MRTFA: variants seen among roughly 807,000 people sequenced by gnomAD.
MRTFA encodes myocardin-related transcription factor A.
A neutral mutation model predicts 83.5 loss-of-function variants in MRTFA; 20 were observed. The observed-to-expected ratio is 0.24, with a 90% confidence interval of 0.17 to 0.35. MRTFA has a LOEUF of 0.35. MRTFA is among the 10% of genes least tolerant of loss of function. The pLI is 1.00. For synonymous variants in MRTFA, 659 were observed against 541.2 expected (o/e 1.22, Z -3.02); for missense variants, 1,200 against 1,224.7 (o/e 0.98, Z 0.30).
chr22:40,604,879 C>T (rs1014041941), intron 1 of MRTFA, among the ~76,000 whole-genome samples: 92 of 152,296 alleles, frequency 6.0e-4, no homozygotes, highest in African/African-American at 2.2e-3. Context: ...CAGATAAATG[C>T]AATCTGTCTG....
intron 6 of MRTFA, 110 bp from the exon 7 acceptor site, chr22:40,429,877 G>C: frequency 8.7e-7 from 1 of 1,143,744 alleles, no homozygotes; most frequent in Non-Finnish European, 1.2e-6. Flanking sequence ...GTGACTGTCA[G>C]AACGGTAAGC....
chr22:40,623,788 A>T (rs1475850100), intron 1 of MRTFA, among the ~76,000 whole-genome samples: 1 of 152,236 alleles, frequency 6.6e-6, no homozygotes, highest in Non-Finnish European at 1.5e-5. Flanking sequence ...AACTGAATTT[A>T]CCTCTCACAA....
Position 40,417,017 on chromosome 22 carries a change from G to T in MRTFA, c.2547C>A (p.Asp849Glu). Reference sequence around the variant, plus strand: ...TCTGAATGAGAATGTCAAACAGGTCGTCCATCTGCTGGCTTGAGGAACCAT... The same window carrying T: ...TCTGAATGAGAATGTCAAACAGGTCTTCCATCTGCTGGCTTGAGGAACCAT... Residue 849 changes from aspartate to glutamate, a missense_variant, in exon 14 of 15, where the codon GAC (aspartate) becomes GAA (glutamate). Transcript: ENST00000355630. 1 of 1,598,580 alleles carries T rather than the reference G, an allele frequency of 6.3e-7. No homozygotes were observed. The highest frequency in any genetic ancestry group is 1.3e-5 in the African/African-American group (1 of 74,822).
At chr22:40,415,741 T>C (rs1318513642) in intron 14 of MRTFA, among the ~76,000 whole-genome samples, 1 of 151,826 alleles carries the variant, frequency 6.6e-6, no homozygotes, top group Admixed American at 6.5e-5. Context: ...CAGGGGAACC[T>C]CCCAGAGAGC....
chr22:40,418,343 G>A (rs2052732941), intron 12 of MRTFA, 31 bp downstream of exon 12: 2 of 1,607,502 alleles, frequency 1.2e-6, no homozygotes, highest in South Asian at 1.1e-5. Context: ...CCTCCTCTGG[G>A]CCCTGCCCGG....
At chr22:40,432,363 T>C (rs1216358915) in intron 5 of MRTFA, among the ~76,000 whole-genome samples, 2 of 152,208 alleles carry the variant, frequency 1.3e-5, no homozygotes, top group African/African-American at 4.8e-5. Flanking sequence ...AATATGAATT[T>C]TGACACATGG....
intron 3 of MRTFA, among the ~76,000 whole-genome samples, chr22:40,512,583 C>T (rs1269368800): frequency 6.6e-6 from 1 of 152,206 alleles, no homozygotes; most frequent in Non-Finnish European, 1.5e-5. Context: ...AGGTTGAGAG[C>T]TTTCGAAAGA....
chr22:40,478,530 G>A (rs1009161902), intron 3 of MRTFA, among the ~76,000 whole-genome samples: 2 of 152,168 alleles, frequency 1.3e-5, no homozygotes, highest in African/African-American at 2.4e-5. Flanking sequence ...TCTCACTAGA[G>A]AGCAAACTGT....
intron 3 of MRTFA, among the ~76,000 whole-genome samples, chr22:40,538,986 T>TG (rs2055238879): frequency 8.8e-6 from 1 of 113,182 alleles, no homozygotes; most frequent in African/African-American, 4.0e-5. Context: ...ATACACAGCC[T>TG]TTTGTTTTTT....
chr22:40,483,656 G>A (rs1001866071), intron 3 of MRTFA, among the ~76,000 whole-genome samples: 1 of 151,470 alleles, frequency 6.6e-6, no homozygotes, highest in Non-Finnish European at 1.5e-5. Flanking sequence ...CTGCACTCCA[G>A]CCTGGGTGAC....
At chr22:40,534,612 G>A (rs573943277) in intron 3 of MRTFA, among the ~76,000 whole-genome samples, 3 of 152,250 alleles carry the variant, frequency 2.0e-5, no homozygotes, top group East Asian at 3.9e-4. Context: ...AGGCTCAAGC[G>A]ATCTGCCCAC....
At chr22:40,618,469 G>A (rs942710387) in intron 1 of MRTFA, among the ~76,000 whole-genome samples, 5 of 152,004 alleles carry the variant, frequency 3.3e-5, no homozygotes, top group African/African-American at 9.7e-5. Flanking sequence ...TAAACCATGC[G>A]AAGGGAGAGA....
intron 9 of MRTFA, among the ~76,000 whole-genome samples, 153 bp from the exon 10 acceptor site, chr22:40,421,253 C>T (rs1483431919): frequency 1.3e-5 from 2 of 152,134 alleles, no homozygotes; most frequent in African/African-American, 2.4e-5. Context: ...CCGTACACCC[C>T]GTGAAAAGCA....
Position 40,501,669 on chromosome 22 carries a change from G to A in MRTFA, c.242-38383C>T, listed in dbSNP as rs544921503. On this transcript the variant is annotated intron_variant, in intron 3 of 14. Transcript: ENST00000355630. ...CACCTCCCAGACGGGGCGGCTGGCC[G>A]GGTGGAGGGCTGACCCCCCCACCTC... 4.0e-3 allele frequency among the ~76,000 whole-genome samples: 73 copies of A among 18,352 alleles called. 2 individuals are homozygous for A. Among genetic ancestry groups the A allele is most frequent in the African/African-American group, 0.02 (68 of 3,468 alleles). 12.0% of individuals were successfully genotyped at this position (18,352 alleles called of 152,430 possible). A position where few individuals can be genotyped will look rare whatever the true frequency, so the allele number is the denominator to read the frequency against.
chr22:40,512,855 G>A (rs1027653918), intron 3 of MRTFA, among the ~76,000 whole-genome samples: 5 of 152,288 alleles, frequency 3.3e-5, no homozygotes, highest in South Asian at 2.1e-4. Flanking sequence ...CCACCACTTC[G>A]CAATGTGCAT....
At chr22:40,481,652 C>CTAAATAA (rs1225145215) in intron 3 of MRTFA, among the ~76,000 whole-genome samples, 2 of 152,038 alleles carry the variant, frequency 1.3e-5, no homozygotes, top group African/African-American at 4.8e-5. Context: ...GGACAGAAAC[C>CTAAATAA]TAAATAATAT....
chr22:40,511,455 A>G (rs1046843396), intron 3 of MRTFA, among the ~76,000 whole-genome samples: 1 of 152,324 alleles, frequency 6.6e-6, no homozygotes, highest in Admixed American at 6.5e-5. Flanking sequence ...AGAACTCAGT[A>G]AACAGGTCAG....
intron 7 of MRTFA, chr22:40,429,398 C>A: frequency 1.4e-6 from 1 of 699,468 alleles, no homozygotes; most frequent in South Asian, 1.5e-5. Context: ...GTTGTATGTC[C>A]CTGTTTCTTA....
In MRTFA at chr22:40,410,410, C is replaced by G. The variant is rs1210653993; in HGVS notation, c.*980G>C. Reference sequence around the variant, plus strand: ...AGCCCAGAATGTGAAGCCAGTGGCCCCAGGGCAGGAGATGGCCACCCCTCA... The same window carrying G: ...AGCCCAGAATGTGAAGCCAGTGGCCGCAGGGCAGGAGATGGCCACCCCTCA... On this transcript the variant is annotated 3_prime_UTR_variant, in exon 15 of 15. Transcript: ENST00000355630. 8.5e-6 allele frequency: 2 copies of G among 236,626 alleles called. No homozygotes were observed. The highest frequency in any genetic ancestry group is 1.7e-5 in the Non-Finnish European group (2 of 120,956). 14.7% of individuals were successfully genotyped at this position (236,626 alleles called of 1,614,324 possible).
Sources: gnomAD v4.1 joint callset for allele counts (sites outside exome capture counted in the v4.1 genomes callset) on GRCh38, gnomAD v4.1.1 for gene constraint, MANE v1.5 for transcripts, NCBI Gene and HGNC (gene_info 2026-07-23, HGNC 2026-07-21) for gene names.